The following DAP variants were observed in gnomAD, a reference collection of about 807,000 sequenced individuals.
DAP encodes the protein death associated protein, also known as death-associated protein 1.
A neutral mutation model predicts 13.8 loss-of-function variants in DAP; 8 were observed. The observed-to-expected ratio is 0.58, with a 90% CI of 0.34 to 1.05. DAP has a LOEUF of 1.05. Ranked by LOEUF, DAP falls within the 50% of genes least tolerant of loss-of-function variation. The pLI is 0.03. For missense variants in DAP, 106 were observed against 133.2 expected (o/e 0.80, Z 1.01); for synonymous variants, 47 against 47.5 (o/e 0.99, Z 0.04).
chr5:10,708,242 C>G (rs3756409), intron 2 of DAP, among the ~76,000 whole-genome samples: 1 of 152,052 alleles, frequency 6.6e-6, no homozygotes, highest in African/African-American at 2.4e-5. Flanking sequence ...TCAGTATGAC[C>G]CACAATAAAA....
At position 10,683,417 on chromosome 5, in the gene DAP, A is replaced by G; in HGVS notation, c.195+112T>C. On this transcript the variant is annotated intron_variant, in intron 3 of 3. Transcript: ENST00000230895. ...GAGAGCCATGGCCACAGAGGAGATG[A>G]GCAGTGGTGCTGGGTTATTCCAGGT... 3 of 1,024,356 alleles carry G rather than the reference A, an allele frequency of 2.9e-6. No homozygotes were observed. The East Asian group carries it at 7.1e-5, about 24-fold the overall frequency. The allele number at this position is 1,024,356 out of a possible 1,614,324, so 63.5% of individuals were successfully genotyped here. A position where few individuals can be genotyped will look rare whatever the true frequency, so the allele number is the denominator to read the frequency against.
intron 2 of DAP, among the ~76,000 whole-genome samples, chr5:10,685,172 C>A (rs544420860): frequency 3.7e-5 from 2 of 53,618 alleles, no homozygotes; most frequent in South Asian, 2.0e-3. Flanking sequence ...TGTTACTTCG[C>A]GACATTAAGA....
At chr5:10,719,983 C>T (rs776667968) in intron 2 of DAP, among the ~76,000 whole-genome samples, 5 of 152,216 alleles carry the variant, frequency 3.3e-5, no homozygotes, top group Non-Finnish European at 5.9e-5. Context: ...GTGGGCAGAA[C>T]TTCCAGCAGT....
intron 2 of DAP, among the ~76,000 whole-genome samples, chr5:10,703,052 A>T (rs546109933): frequency 6.6e-6 from 1 of 152,148 alleles, no homozygotes; most frequent in East Asian, 1.9e-4. Flanking sequence ...GCTACTCCAC[A>T]ATTTCTGGGT....
At chr5:10,687,869 T>C (rs1046266862) in intron 2 of DAP, among the ~76,000 whole-genome samples, 1 of 151,540 alleles carries the variant, frequency 6.6e-6, no homozygotes, top group African/African-American at 2.4e-5. Context: ...AAAGGAAGAG[T>C]TGATCTATGT....
At chr5:10,725,616 A>G (rs576197356) in intron 2 of DAP, among the ~76,000 whole-genome samples, 2 of 152,358 alleles carry the variant, frequency 1.3e-5, no homozygotes, top group East Asian at 3.9e-4. Flanking sequence ...AGCTTGATGG[A>G]AAGCAGTCCC....
intron 2 of DAP, among the ~76,000 whole-genome samples, chr5:10,683,821 C>T (rs942482483): frequency 6.6e-6 from 1 of 152,128 alleles, no homozygotes; most frequent in Non-Finnish European, 1.5e-5. Flanking sequence ...GAATTGCCTT[C>T]AACCACTTTC....
At chr5:10,728,417 A>C (rs16885236) in intron 2 of DAP, among the ~76,000 whole-genome samples, 13,467 of 152,206 alleles carry the variant, frequency 0.088, 813 homozygotes, top group African/African-American at 0.17. Context: ...ACTGAGCCCA[A>C]AGGATAGGCC....
intron 2 of DAP, among the ~76,000 whole-genome samples, chr5:10,725,682 G>A (rs970302509): frequency 1.3e-5 from 2 of 152,242 alleles, no homozygotes; most frequent in African/African-American, 4.8e-5. Context: ...ATTTGAAGTA[G>A]GATTTTAGGC....
chr5:10,683,479 A>G lies in DAP; in HGVS notation c.195+50T>C. ...AAACCAGAAGCAACCAGGAGACTCCATGCTGCCATGCAAAAGCCTCAAACC... is the reference window on the plus strand; with the variant it reads ...AAACCAGAAGCAACCAGGAGACTCCGTGCTGCCATGCAAAAGCCTCAAACC... On this transcript the variant is annotated intron_variant, in intron 3 of 3. Transcript: ENST00000230895. 6 of 1,573,526 alleles carry G rather than the reference A, an allele frequency of 3.8e-6. No individual in the cohort carries two copies. In the East Asian group the frequency reaches 1.3e-4, roughly 35 times the overall value.
At chr5:10,682,291 G>A (rs530963311) in intron 3 of DAP, among the ~76,000 whole-genome samples, 1 of 151,508 alleles carries the variant, frequency 6.6e-6, no homozygotes, top group Non-Finnish European at 1.5e-5. Flanking sequence ...TGTATGTGAG[G>A]AAGCCCCAGG....
At chr5:10,696,373 CCAGA>C (rs1217278754) in intron 2 of DAP, among the ~76,000 whole-genome samples, 2 of 152,020 alleles carry the variant, frequency 1.3e-5, no homozygotes, top group Non-Finnish European at 2.9e-5. Context: ...TGTAGAAATC[CCAGA>C]CATTCTGCTG....
chr5:10,691,533 C>CAAAGT (rs1279430508), intron 2 of DAP, among the ~76,000 whole-genome samples: 2 of 152,218 alleles, frequency 1.3e-5, no homozygotes, highest in Non-Finnish European at 2.9e-5. Context: ...GGCTTCCATG[C>CAAAGT]AAAGTATAAC....
At chr5:10,704,319 C>T (rs1306870739) in intron 2 of DAP, among the ~76,000 whole-genome samples, 7 of 152,182 alleles carry the variant, frequency 4.6e-5, no homozygotes, top group Admixed American at 2.6e-4. Context: ...TAAATATCCT[C>T]ACATCAGCTC....
intron 2 of DAP, among the ~76,000 whole-genome samples, chr5:10,725,185 T>A (rs1299067149): frequency 6.6e-6 from 1 of 152,208 alleles, no homozygotes; most frequent in Non-Finnish European, 1.5e-5. Context: ...ATCGTCATCA[T>A]GAATTTGGTA....
chr5:10,748,044 G>C (rs1489656421), intron 2 of DAP, 131 bp downstream of exon 2: 7 of 661,322 alleles, frequency 1.1e-5, no homozygotes, highest in East Asian at 2.8e-5. Flanking sequence ...GATTAGGAAG[G>C]GAAAAATACA....
chr5:10,702,583 A>C (rs1197438461), intron 2 of DAP, among the ~76,000 whole-genome samples: 1 of 152,200 alleles, frequency 6.6e-6, no homozygotes, highest in Non-Finnish European at 1.5e-5. Flanking sequence ...GATCTTTTCA[A>C]GGCAAACTTG....
chr5:10,728,815 G>A (rs946854180), intron 2 of DAP, among the ~76,000 whole-genome samples: 3 of 152,188 alleles, frequency 2.0e-5, no homozygotes, highest in Non-Finnish European at 4.4e-5. Flanking sequence ...GAATGAATTG[G>A]GGGGAGAGAT....
chr5:10,681,029 C>G lies in DAP; in HGVS notation c.*27G>C. On this transcript the variant is annotated 3_prime_UTR_variant, in exon 4 of 4. Coordinates refer to ENST00000230895, the MANE Select transcript of DAP (RefSeq NM_004394.3). ...ATACCAAGTGCAGCAGAGCCGGGGC[C>G]ATGGGGCAGGCTGGTGGACTCCAGG... 7.0e-6 allele frequency: 11 copies of G among 1,572,188 alleles called. No homozygotes were observed. Among genetic ancestry groups the G allele is most frequent in the Non-Finnish European group, 9.5e-6 (11 of 1,157,670 alleles).
Sources: allele counts gnomAD v4.1 joint callset (sites outside exome capture counted in the v4.1 genomes callset), GRCh38; gene constraint gnomAD v4.1.1; transcripts MANE v1.5; gene names NCBI Gene and HGNC (gene_info 2026-07-23, HGNC 2026-07-21).